ERLIN2: variants seen among roughly 807,000 people sequenced by gnomAD.
The protein encoded by ERLIN2 is ER lipid raft associated 2, also known as erlin-2.
Under a neutral mutation model 41.5 loss-of-function variants are expected in ERLIN2, and 22 were observed. The ratio of observed to expected loss-of-function variants is 0.53; its 90% CI spans 0.38 to 0.76. The LOEUF (loss-of-function observed/expected upper bound fraction) is 0.76, where lower values mean the gene tolerates loss of function less well. Among genes scored for constraint, ERLIN2 ranks in the 30% least tolerant of loss-of-function variants. The pLI, the probability that ERLIN2 is intolerant of heterozygous loss-of-function variation, is 0.00. For missense variants in ERLIN2, 247 were observed against 414.3 expected, an observed-to-expected ratio of 0.60 and a Z score of 3.51; for synonymous variants, 149 against 150.9, an observed-to-expected ratio of 0.99 and a Z score of 0.09.
In ERLIN2 at chr8:37,741,476, A is replaced by G. The variant is rs1293551990; in HGVS notation, c.190-296A>G. 6.6e-6 allele frequency among the ~76,000 whole-genome samples: 1 copy of G among 152,220 alleles called. No homozygotes were observed. Among genetic ancestry groups the G allele is most frequent in the Non-Finnish European group, 1.5e-5 (1 of 68,048 alleles). ...GAACATAAAGCGGTGCCTAACATAA[A>G]TAGAAGAGGTAGAAGCAAGCACAAG... On this transcript the variant is annotated intron_variant, in intron 3 of 11. Coordinates refer to ENST00000519638, the MANE Select transcript of ERLIN2 (RefSeq NM_007175.8). The surrounding 1 kb of genome is among the most constrained non-coding windows in gnomAD (Gnocchi z 4.8).
chr8:37,745,017 G>C, intron 6 of ERLIN2: 2 of 596,008 alleles, frequency 3.4e-6, no homozygotes, highest in Admixed American at 5.9e-5. Flanking sequence ...ATGAAGACAA[G>C]GTCCATTCTA....
At position 37,755,779 on chromosome 8, in the gene ERLIN2, T is replaced by C. The variant is rs1803346395; in HGVS notation, c.*1664T>C. The C allele has an allele frequency of 1.3e-5, 2 of 152,086 alleles. No individual in the cohort carries two copies. Among genetic ancestry groups the C allele is most frequent in the Non-Finnish European group, 2.9e-5 (2 of 68,044 alleles). The allele number at this position is 152,086 out of a possible 1,614,324, so 9.4% of individuals were successfully genotyped here. ...AGTGTTAGCTCCCCTTACTTCAAAG[T>C]TGCCCTTCTCTGTTCTGACTCCTGG... On this transcript the variant is annotated 3_prime_UTR_variant, in exon 12 of 12. Coordinates refer to ENST00000519638, the MANE Select transcript of ERLIN2 (RefSeq NM_007175.8).
Position 37,751,645 on chromosome 8 carries a change from G to GGT in ERLIN2, c.671_672dup (p.Ala225TrpfsTer10). ...ATTCAGAGGCAGAAAAAGTGGCCCAGGTGGCTGAGATCACCTACGGGCAGA... is the reference window on the plus strand; with the variant it reads ...ATTCAGAGGCAGAAAAAGTGGCCCAGGTGTGGCTGAGATCACCTACGGGCAGA... On this transcript the variant is annotated frameshift_variant, in exon 10 of 12. Transcript: ENST00000519638. LOFTEE classifies it high-confidence loss of function. 6.2e-7 allele frequency: 1 copy of GGT among 1,613,812 alleles called. No individual in the cohort carries two copies. Among genetic ancestry groups the GGT allele is most frequent in the East Asian group, 2.2e-5 (1 of 44,884 alleles).
chr8:37,749,186 CTT>C (rs1397925346), intron 6 of ERLIN2, among the ~76,000 whole-genome samples: 1 of 152,222 alleles, frequency 6.6e-6, no homozygotes, highest in Admixed American at 6.5e-5. Context: ...CCTTCCTTCT[CTT>C]TTGCTGCTAT....
At chr8:37,744,489 C>A in intron 5 of ERLIN2, 73 bp downstream of exon 5, 1 of 1,609,990 alleles carries the variant, frequency 6.2e-7, no homozygotes, top group Non-Finnish European at 8.5e-7. Flanking sequence ...TGTTGTAGCA[C>A]CTTGGAAAAG....
chr8:37,755,582 G>A lies in ERLIN2; in HGVS notation c.*1467G>A, dbSNP rs1406790174. Reference sequence around the variant, plus strand: ...CCCCCACCCCCCACCCCCCCCCCCCGCCAACTCCTATACCCATCTTCCCTA... The same window carrying A: ...CCCCCACCCCCCACCCCCCCCCCCCACCAACTCCTATACCCATCTTCCCTA... On this transcript the variant is annotated 3_prime_UTR_variant, in exon 12 of 12. Transcript: ENST00000519638. 2.5e-3 allele frequency: 95 copies of A among 38,726 alleles called. No individual in the cohort carries two copies. Among genetic ancestry groups the A allele is most frequent in the African/African-American group, 6.2e-3 (59 of 9,590 alleles). The allele number at this position is 38,726 out of a possible 1,614,324, so 2.4% of individuals were successfully genotyped here.
rs1803331547 is a variant in ERLIN2, at chr8:37,755,428, TG to T, written c.*1314del. On this transcript the variant is annotated 3_prime_UTR_variant, in exon 12 of 12. Coordinates refer to ENST00000519638, the MANE Select transcript of ERLIN2 (RefSeq NM_007175.8). Reference sequence around the variant, plus strand: ...ATTGAGGGGTAGGGGGTGTCCAACCTGTATAGCCCATGGGTTGTGTCTAGAA... The same window carrying T: ...ATTGAGGGGTAGGGGGTGTCCAACCTTATAGCCCATGGGTTGTGTCTAGAA... The T allele has an allele frequency of 6.6e-6, 1 of 152,242 alleles. No individual in the cohort carries two copies. Among genetic ancestry groups the T allele is most frequent in the East Asian group, 1.9e-4 (1 of 5,196 alleles). 9.4% of individuals were successfully genotyped at this position (152,242 alleles called of 1,614,324 possible). A position where few individuals can be genotyped will look rare whatever the true frequency, so the allele number is the denominator to read the frequency against.
rs764979199 is a variant in ERLIN2, at chr8:37,754,016, C to T, written c.921C>T (p.Asp307=). The T allele has an allele frequency of 5.6e-6, 9 of 1,613,974 alleles. No individual in the cohort carries two copies. The highest frequency in any genetic ancestry group is 6.8e-6 in the Non-Finnish European group (8 of 1,179,934). ...FGKDIPNMFM[D]SAGSVSKQFE... is the part of the protein sequence containing the mutation. The stretch of plus-strand genomic sequence containing the variant: ...AAGACATTCCTAACATGTTCATGGA[C>T]TCTGCGGGCAGTGTGAGCAAGCAGT... The change falls in exon 12 of 12, where the codon GAC becomes GAT. Residue 307 remains aspartate (D), a synonymous_variant. Transcript: ENST00000519638.
chr8:37,754,344 G>A lies in ERLIN2; in HGVS notation c.*229G>A, dbSNP rs1055384288. ...GTTTATATGACTTCCAATAAGATTT[G>A]TAAATCATGGGCTTGACCTTTGACC... On this transcript the variant is annotated 3_prime_UTR_variant, in exon 12 of 12. Coordinates refer to ENST00000519638, the MANE Select transcript of ERLIN2 (RefSeq NM_007175.8). 2.2e-5 allele frequency: 12 copies of A among 538,006 alleles called. No individual in the cohort carries two copies. In the African/African-American group the frequency reaches 2.3e-4, roughly 10 times the overall value. 33.3% of individuals were successfully genotyped at this position (538,006 alleles called of 1,614,324 possible).
intron 6 of ERLIN2, chr8:37,748,071 C>T (rs1361469626): frequency 1.2e-5 from 16 of 1,314,612 alleles, no homozygotes; most frequent in Non-Finnish European, 1.6e-5. Context: ...ACGTCACGAG[C>T]GCGCCTTGCG....
chr8:37,753,893 A>C, intron 11 of ERLIN2, 22 bp from the exon 12 acceptor site: 1 of 1,564,020 alleles, frequency 6.4e-7, no homozygotes, highest in Non-Finnish European at 8.8e-7. Flanking sequence ...TAAGTCTTCC[A>C]TACTTTTTTT....
chr8:37,756,075 G>C lies in ERLIN2; in HGVS notation c.*1960G>C, dbSNP rs573086426. The C allele has an allele frequency of 1.3e-5, 2 of 152,360 alleles. No homozygotes were observed. Among genetic ancestry groups the C allele is most frequent in the African/African-American group, 4.8e-5 (2 of 41,540 alleles). 9.4% of individuals were successfully genotyped at this position (152,360 alleles called of 1,614,324 possible). Reference sequence around the variant, plus strand: ...ATGGTGTCAGGCACCTGTAATCCCAGCTACTTGGGAGGCTGAGGCAGGAGA... The same window carrying C: ...ATGGTGTCAGGCACCTGTAATCCCACCTACTTGGGAGGCTGAGGCAGGAGA... On this transcript the variant is annotated 3_prime_UTR_variant, in exon 12 of 12. Coordinates refer to ENST00000519638, the MANE Select transcript of ERLIN2 (RefSeq NM_007175.8).
At chr8:37,752,040 C>T (rs993143478) in intron 10 of ERLIN2, among the ~76,000 whole-genome samples, 2 of 152,166 alleles carry the variant, frequency 1.3e-5, no homozygotes, top group African/African-American at 4.8e-5. Context: ...GGCCTTGGAG[C>T]GGTGGGAGTG....
intron 6 of ERLIN2, chr8:37,745,497 A>G: frequency 6.8e-7 from 1 of 1,477,962 alleles, no homozygotes; most frequent in Non-Finnish European, 9.5e-7. Context: ...ACTCACTGCC[A>G]GAAATTCTCT....
At chr8:37,744,183 T>C (rs566139474) in intron 4 of ERLIN2, among the ~76,000 whole-genome samples, 172 bp from the exon 5 acceptor site, 8 of 152,204 alleles carry the variant, frequency 5.3e-5, no homozygotes, top group Non-Finnish European at 1.2e-4. Flanking sequence ...GAGTATGTTG[T>C]TGCCATGAGC....
chr8:37,738,096 T>C, intron 2 of ERLIN2, 67 bp downstream of exon 2: 2 of 1,576,988 alleles, frequency 1.3e-6, no homozygotes, highest in African/African-American at 1.3e-5. Context: ...GTCATTGCTT[T>C]CCTAGCAGAT....
chr8:37,749,566 T>C lies in ERLIN2; in HGVS notation c.432T>C (p.Ile144=). The C allele has an allele frequency of 6.2e-7, 1 of 1,612,510 alleles. No individual in the cohort carries two copies. Residue 144 remains isoleucine (I), a synonymous_variant, in exon 7 of 12, where the codon ATT becomes ATC. Transcript: ENST00000519638. ...QEVYIELFDQ[I]DENLKLALQQ... ...ATCTTTTCTTTATTCCAGATCAGAT[T>C]GATGAAAATCTCAAACTGGCTTTGC...
chr8:37,747,175 G>A (rs1002014505), intron 6 of ERLIN2, among the ~76,000 whole-genome samples: 6 of 152,138 alleles, frequency 3.9e-5, no homozygotes, highest in African/African-American at 1.4e-4. Context: ...AGGTCAAATG[G>A]ACTCAGTTAA....
At chr8:37,750,661 G>A (rs931922729) in intron 9 of ERLIN2, among the ~76,000 whole-genome samples, 175 bp downstream of exon 9, 2 of 152,174 alleles carry the variant, frequency 1.3e-5, no homozygotes, top group African/African-American at 4.8e-5. Context: ...CATGGCCAAG[G>A]ATAATGAGTT....
Sources: gnomAD v4.1 joint callset for allele counts (sites outside exome capture counted in the v4.1 genomes callset) on GRCh38, gnomAD v4.1.1 for gene constraint, Gnocchi (gnomAD v3.1) non-coding constraint, MANE v1.5 for transcripts, NCBI Gene and HGNC (gene_info 2026-07-23, HGNC 2026-07-21) for gene names.